TBL1XR1: variants seen among roughly 807,000 people sequenced by gnomAD.
TBL1XR1 encodes TBL1X/Y related 1, also known as F-box-like/WD repeat-containing protein TBL1XR1.
Under a neutral mutation model 66.9 loss-of-function variants are expected in TBL1XR1, and 5 were observed. The ratio of observed to expected loss-of-function variants is 0.07; its 90% CI spans 0.04 to 0.16. TBL1XR1 has a LOEUF of 0.16. Among genes scored for constraint, TBL1XR1 ranks in the 10% least tolerant of loss-of-function variants. The pLI is 1.00. For synonymous variants in TBL1XR1, 210 were observed against 206.0 expected, an observed-to-expected ratio of 1.02 and a Z score of -0.17; for missense variants, 238 against 623.2, an observed-to-expected ratio of 0.38 and a Z score of 6.58.
chr3:177,077,676 C>A (rs192197711), intron 2 of TBL1XR1, among the ~76,000 whole-genome samples: 323 of 152,308 alleles, frequency 2.1e-3, no homozygotes, highest in African/African-American at 7.5e-3. Flanking sequence ...ATCATTCTAA[C>A]ATGTCCCACA....
chr3:177,091,852 T>C (rs921352877), intron 2 of TBL1XR1, among the ~76,000 whole-genome samples: 2 of 152,132 alleles, frequency 1.3e-5, no homozygotes, highest in Non-Finnish European at 2.9e-5. Flanking sequence ...AGTAACGAAA[T>C]ATCTGTTGGG....
chr3:177,127,778 T>C (rs1369394996), intron 1 of TBL1XR1, among the ~76,000 whole-genome samples: 1 of 152,172 alleles, frequency 6.6e-6, no homozygotes, highest in African/African-American at 2.4e-5. Context: ...GCAGTTCACA[T>C]TTTGGATGGT....
At chr3:177,157,977 G>A (rs970399785) in intron 1 of TBL1XR1, among the ~76,000 whole-genome samples, 2 of 151,882 alleles carry the variant, frequency 1.3e-5, no homozygotes, top group African/African-American at 2.4e-5. Flanking sequence ...TACTATCCTC[G>A]TTAAGTGTTT....
At chr3:177,072,487 T>C (rs1183166959) in intron 2 of TBL1XR1, among the ~76,000 whole-genome samples, 1 of 150,848 alleles carries the variant, frequency 6.6e-6, no homozygotes. Flanking sequence ...AAAAAAAAAA[T>C]TCCCTGAAGA....
intron 1 of TBL1XR1, among the ~76,000 whole-genome samples, chr3:177,133,807 CAG>C (rs1350761724): frequency 7.1e-6 from 1 of 141,820 alleles, no homozygotes; most frequent in Admixed American, 8.1e-5. Flanking sequence ...GAGGGTGAAA[CAG>C]AGGTTGCAGT....
At chr3:177,194,965 T>C (rs575402990) in intron 1 of TBL1XR1, among the ~76,000 whole-genome samples, 8 of 98,472 alleles carry the variant, frequency 8.1e-5, no homozygotes, top group African/African-American at 2.8e-4. Context: ...AAGAAAAATG[T>C]CATAAACTGA....
At chr3:177,050,187 T>G in intron 6 of TBL1XR1, 49 bp from the exon 7 acceptor site, 24 of 1,592,530 alleles carry the variant, frequency 1.5e-5, no homozygotes, top group Non-Finnish European at 2.0e-5. Context: ...TTCTCACGTA[T>G]CAGAACAAGG....
intron 1 of TBL1XR1, chr3:177,125,907 T>C (rs1727560194): frequency 6.6e-6 from 1 of 152,242 alleles, no homozygotes; most frequent in Admixed American, 6.5e-5. Context: ...GCCAATACAG[T>C]TGATACAGAT....
intron 1 of TBL1XR1, among the ~76,000 whole-genome samples, chr3:177,101,346 T>C (rs1367173989): frequency 2.0e-5 from 3 of 152,176 alleles, no homozygotes; most frequent in Admixed American, 6.5e-5. Context: ...TGGTTAAAAC[T>C]GGGTAATAAA....
chr3:177,067,843 C>A (rs1719371454), intron 2 of TBL1XR1, among the ~76,000 whole-genome samples: 1 of 152,084 alleles, frequency 6.6e-6, no homozygotes, highest in South Asian at 2.1e-4. Flanking sequence ...AGAACTTGTC[C>A]ATTATGGTTT....
chr3:177,112,367 A>T (rs1259488985), intron 1 of TBL1XR1, among the ~76,000 whole-genome samples: 1 of 151,510 alleles, frequency 6.6e-6, no homozygotes, highest in Non-Finnish European at 1.5e-5. Flanking sequence ...CTCAGCCTCC[A>T]AAAGTGCTGG....
intron 1 of TBL1XR1, among the ~76,000 whole-genome samples, chr3:177,110,275 C>T (rs1725392657): frequency 6.6e-6 from 1 of 152,098 alleles, no homozygotes; most frequent in Non-Finnish European, 1.5e-5. Flanking sequence ...AAAGTTTTTC[C>T]AAGACACATG....
intron 1 of TBL1XR1, among the ~76,000 whole-genome samples, chr3:177,105,865 G>A (rs1277237357): frequency 1.3e-5 from 2 of 152,100 alleles, no homozygotes; most frequent in South Asian, 2.1e-4. Flanking sequence ...GAAGGGACAG[G>A]ATGGAGAATT....
chr3:177,141,117 T>C (rs2862645), intron 1 of TBL1XR1, among the ~76,000 whole-genome samples: 3,339 of 152,274 alleles, frequency 0.022, 140 homozygotes, highest in African/African-American at 0.077. Context: ...ATATGTCCCA[T>C]AGTTAATACT....
At chr3:177,157,765 C>T (rs755970825) in intron 1 of TBL1XR1, among the ~76,000 whole-genome samples, 2 of 152,084 alleles carry the variant, frequency 1.3e-5, no homozygotes, top group Non-Finnish European at 2.9e-5. Flanking sequence ...GCAAATTAGC[C>T]GTTTCCTGGG....
chr3:177,031,223 T>C (rs938065054), intron 14 of TBL1XR1, among the ~76,000 whole-genome samples: 3 of 152,098 alleles, frequency 2.0e-5, no homozygotes, highest in Non-Finnish European at 1.5e-5. Flanking sequence ...AAGGCATATA[T>C]ATCATAGTTA....
At chr3:177,063,301 C>G (rs753853884) in intron 3 of TBL1XR1, among the ~76,000 whole-genome samples, 18 of 152,204 alleles carry the variant, frequency 1.2e-4, no homozygotes, top group Admixed American at 7.2e-4. Context: ...CACCACTGAA[C>G]GACAAGGTAG....
At position 177,195,509 on chromosome 3, in the gene TBL1XR1, CTTA is replaced by C. The variant is rs1736732551; in HGVS notation, c.-122+1609_-122+1611del. Reference sequence around the variant, plus strand: ...TAAAATACATCAATGTAGCATGGGTCTTATTTTAACAAAAATGAAAATGAATCA... The same window carrying C: ...TAAAATACATCAATGTAGCATGGGTCTTTTAACAAAAATGAAAATGAATCA... On this transcript the variant is annotated intron_variant, in intron 1 of 15. Coordinates refer to ENST00000457928, the MANE Select transcript of TBL1XR1 (RefSeq NM_024665.7). The C allele has an allele frequency of 3.7e-5, 3 of 80,958 alleles. No homozygotes were observed. In the South Asian group the frequency reaches 1.2e-3, roughly 32 times the overall value. 5.0% of individuals were successfully genotyped at this position (80,958 alleles called of 1,614,324 possible).
At chr3:177,115,027 T>C (rs1218968469) in intron 1 of TBL1XR1, among the ~76,000 whole-genome samples, 2 of 151,954 alleles carry the variant, frequency 1.3e-5, no homozygotes, top group African/African-American at 2.4e-5. Context: ...TTAATTAAAG[T>C]ATCACTGTAA....
Sources: allele counts gnomAD v4.1 joint callset (sites outside exome capture counted in the v4.1 genomes callset), GRCh38; gene constraint gnomAD v4.1.1; transcripts MANE v1.5; gene names NCBI Gene and HGNC (gene_info 2026-07-23, HGNC 2026-07-21).